The following THSD7A variants were observed in gnomAD, a reference collection of about 807,000 sequenced individuals.
THSD7A encodes thrombospondin type 1 domain containing 7A.
In THSD7A, 96 loss-of-function variants were observed where a neutral mutation model predicts 231.3. The ratio of observed to expected loss-of-function variants is 0.41; its 90% CI spans 0.35 to 0.49. The LOEUF is 0.49. THSD7A is among the 20% of genes least tolerant of loss of function. The probability of loss-of-function intolerance (pLI) is 0.05; values close to 1 mark genes in which losing one functional copy is unlikely to be tolerated. For missense variants in THSD7A, 2,290 were observed against 2,070.2 expected (o/e 1.11, Z -2.06); for synonymous variants, 940 against 743.3 (o/e 1.26, Z -4.30).
chr7:11,379,374 G>T, intron 25 of THSD7A, 94 bp from the exon 26 acceptor site: 3 of 1,275,016 alleles, frequency 2.4e-6, no homozygotes, highest in Non-Finnish European at 2.2e-6. Flanking sequence ...AACAAGGTTT[G>T]TTTTGGGAAT....
Position 11,539,145 on chromosome 7 carries a change from C to T in THSD7A, c.1822+2274G>A, listed in dbSNP as rs186976591. 5.3e-5 allele frequency among the ~76,000 whole-genome samples: 8 copies of T among 152,256 alleles called. No homozygotes were observed. In the East Asian group the frequency reaches 1.2e-3, roughly 22 times the overall value. ...TGGGCCCAATTTAATTACAAAACAA[C>T]ATTTGGTGCAGCTGCTAAACACTTA... On this transcript the variant is annotated intron_variant, in intron 6 of 27. Coordinates refer to ENST00000423059, the MANE Select transcript of THSD7A (RefSeq NM_015204.3).
intron 4 of THSD7A, among the ~76,000 whole-genome samples, chr7:11,569,130 A>C (rs183611011): frequency 5.3e-5 from 8 of 152,334 alleles, no homozygotes; most frequent in Non-Finnish European, 1.0e-4. Context: ...TGGTCTAGGC[A>C]AAGATTTTAT....
intron 2 of THSD7A, among the ~76,000 whole-genome samples, chr7:11,600,815 A>T (rs982363209): frequency 3.3e-5 from 5 of 152,194 alleles, no homozygotes; most frequent in African/African-American, 9.7e-5. Flanking sequence ...TCCTACTGGC[A>T]TATGTATGAA....
chr7:11,448,779 C>T (rs1378091067), intron 11 of THSD7A, among the ~76,000 whole-genome samples: 1 of 152,082 alleles, frequency 6.6e-6, no homozygotes, highest in Non-Finnish European at 1.5e-5. Context: ...AAAGGCCCTT[C>T]TAAATTGTTC....
At chr7:11,464,223 G>A (rs1444160739) in intron 9 of THSD7A, among the ~76,000 whole-genome samples, 1 of 152,022 alleles carries the variant, frequency 6.6e-6, no homozygotes, top group Non-Finnish European at 1.5e-5. Context: ...GGGGGAAGCA[G>A]GGAGGTTTCT....
At chr7:11,439,707 C>T (rs1224132074) in intron 13 of THSD7A, among the ~76,000 whole-genome samples, 5 of 152,024 alleles carry the variant, frequency 3.3e-5, no homozygotes, top group Non-Finnish European at 7.4e-5. Flanking sequence ...CTATCTTCAG[C>T]TCTATGCAGG....
In THSD7A at chr7:11,796,033, CATATATATATATATATATATATATAT is replaced by C. The variant is rs6149988; in HGVS notation, c.190+35698_190+35723del. On this transcript the variant is annotated intron_variant, in intron 1 of 27. Transcript: ENST00000423059. ...GGTACTTCTTTGAAATTAAATTAGC[CATATATATATATATATATATATATAT>C]ATATATATATATATATATTTGGATC... Among the ~76,000 whole-genome samples, 92 of 107,470 alleles carry C rather than the reference CATATATATATATATATATATATATAT, an allele frequency of 8.6e-4. 2 individuals carry two copies. Among genetic ancestry groups the C allele is most frequent in the African/African-American group, 1.6e-3 (48 of 29,944 alleles). The allele number at this position is 107,470 out of a possible 152,430, so 70.5% of individuals were successfully genotyped here. A position where few individuals can be genotyped will look rare whatever the true frequency, so the allele number is the denominator to read the frequency against.
intron 1 of THSD7A, among the ~76,000 whole-genome samples, chr7:11,674,252 C>G (rs1194029911): frequency 6.6e-6 from 1 of 152,068 alleles, no homozygotes; most frequent in East Asian, 1.9e-4. Context: ...GGTCATCTCT[C>G]ACGCCCTGCC....
chr7:11,818,551 C>G (rs1482511804), intron 1 of THSD7A, among the ~76,000 whole-genome samples: 3 of 152,298 alleles, frequency 2.0e-5, no homozygotes, highest in East Asian at 1.9e-4. Flanking sequence ...GGCTTCAGCA[C>G]AGTGGACCTT....
At chr7:11,778,815 T>C (rs1174717940) in intron 1 of THSD7A, among the ~76,000 whole-genome samples, 3 of 152,178 alleles carry the variant, frequency 2.0e-5, no homozygotes, top group Non-Finnish European at 4.4e-5. Flanking sequence ...CTGAGAAATA[T>C]ACCAATGTTT....
intron 1 of THSD7A, among the ~76,000 whole-genome samples, chr7:11,686,285 C>G (rs574535646): frequency 1.3e-5 from 2 of 151,820 alleles, no homozygotes; most frequent in Non-Finnish European, 2.9e-5. Context: ...AAACCTCCTG[C>G]ACCACATAAT....
At chr7:11,573,654 G>A (rs1790750127) in intron 4 of THSD7A, among the ~76,000 whole-genome samples, 1 of 152,104 alleles carries the variant, frequency 6.6e-6, no homozygotes, top group Non-Finnish European at 1.5e-5. Flanking sequence ...CTAACAATAT[G>A]TTTGCTTTCT....
At chr7:11,682,748 C>T (rs1001325350) in intron 1 of THSD7A, among the ~76,000 whole-genome samples, 74 of 151,976 alleles carry the variant, frequency 4.9e-4, no homozygotes, top group Non-Finnish European at 1.0e-3. Context: ...TGACACTTGA[C>T]CAACTTGATC....
chr7:11,771,288 A>T (rs549736922), intron 1 of THSD7A, among the ~76,000 whole-genome samples: 1 of 151,750 alleles, frequency 6.6e-6, no homozygotes, highest in African/African-American at 2.4e-5. Flanking sequence ...ATAAAGATGA[A>T]TAAGTGATCA....
At chr7:11,567,668 C>T (rs1299586861) in intron 4 of THSD7A, among the ~76,000 whole-genome samples, 1 of 152,106 alleles carries the variant, frequency 6.6e-6, no homozygotes, top group Non-Finnish European at 1.5e-5. Flanking sequence ...TCAGGTAAGG[C>T]CTGAGCTGCA....
rs536474198 is a variant in THSD7A at position 11,705,499 on chromosome 7, T to A, written c.191-68538A>T. ...GAATCATATTTCTCTGTGTCTTCTATTTGCTCTTCACTCTCCTTTCTGTCA... is the reference window on the plus strand; with the variant it reads ...GAATCATATTTCTCTGTGTCTTCTAATTGCTCTTCACTCTCCTTTCTGTCA... On this transcript the variant is annotated intron_variant, in intron 1 of 27. Transcript: ENST00000423059. Among the ~76,000 whole-genome samples the A allele has an allele frequency of 4.0e-3, 606 of 151,066 alleles. 6 individuals carry two copies. The highest frequency in any genetic ancestry group is 2.8e-3 in the Non-Finnish European group (188 of 67,324).
chr7:11,526,484 T>C (rs1788478605), intron 6 of THSD7A, among the ~76,000 whole-genome samples: 1 of 152,178 alleles, frequency 6.6e-6, no homozygotes, highest in South Asian at 2.1e-4. Flanking sequence ...ATTACATATT[T>C]TCCCATCTCC....
At chr7:11,716,852 G>C (rs1244366927) in intron 1 of THSD7A, among the ~76,000 whole-genome samples, 1 of 151,482 alleles carries the variant, frequency 6.6e-6, no homozygotes, top group Non-Finnish European at 1.5e-5. Context: ...AACAGAAAAA[G>C]CGTATGTAAT....
At chr7:11,401,571 C>T (rs1002320314) in intron 23 of THSD7A, among the ~76,000 whole-genome samples, 5 of 152,014 alleles carry the variant, frequency 3.3e-5, no homozygotes, top group Non-Finnish European at 5.9e-5. Context: ...GAGCCTGACA[C>T]CATGCATAAT....
Sources: allele counts gnomAD v4.1 joint callset (sites outside exome capture counted in the v4.1 genomes callset), GRCh38; gene constraint gnomAD v4.1.1; transcripts MANE v1.5; gene names NCBI Gene and HGNC (gene_info 2026-07-23, HGNC 2026-07-21).